Variants in HAUS7 observed in about 807,000 individuals in gnomAD.
HAUS7 encodes HAUS augmin like complex subunit 7, also known as HAUS augmin-like complex subunit 7.
In HAUS7, 3 loss-of-function variants were observed where a neutral mutation model predicts 28.4. The ratio of observed to expected loss-of-function variants is 0.11; its 90% CI spans 0.05 to 0.27. The LOEUF (loss-of-function observed/expected upper bound fraction) is 0.27. Among genes scored for constraint, HAUS7 ranks in the 10% least tolerant of loss-of-function variants. HAUS7 has a pLI of 1.00. For synonymous variants in HAUS7, 165 were observed against 132.1 expected (o/e 1.25, Z -1.71); for missense variants, 284 against 297.3 (o/e 0.96, Z 0.33).
rs782109433 is a variant in HAUS7, at chrX:153,455,536, C to T, written c.930+6G>A. ...CGGTTAGAGGGGAGGGGAAGGGCAC[C>T]CTTACTTGGCTGTAGGAAGTCAGAT... On this transcript the variant is annotated splice_donor_region_variant and intron_variant, in intron 8 of 9. Transcript: ENST00000370211. The T allele has an allele frequency of 1.7e-6, 2 of 1,150,974 alleles. No homozygotes were observed. Among genetic ancestry groups the T allele is most frequent in the East Asian group, 3.0e-5 (1 of 33,527 alleles). 94.9% of individuals were successfully genotyped at this position (1,150,974 alleles called of 1,213,427 possible).
At chrX:153,488,385 C>T (rs1475206662) in intron 1 of HAUS7, among the ~76,000 whole-genome samples, 5 of 113,145 alleles carry the variant, frequency 4.4e-5, no homozygotes, top group Admixed American at 3.7e-4. Flanking sequence ...GACCTCGCCC[C>T]GCCATCAGCT....
At chrX:153,482,833 G>C (rs1352439460) in intron 1 of HAUS7, 4 of 655,234 alleles carry the variant, frequency 6.1e-6, no homozygotes, top group Non-Finnish European at 7.3e-6. Flanking sequence ...ACCGGAACCG[G>C]CTGCGGGCCA....
rs2089283283 is a variant in HAUS7 at position 153,454,773 on chromosome X, G to A, written c.931-265C>T. On this transcript the variant is annotated intron_variant, in intron 8 of 9. Coordinates refer to ENST00000370211, the MANE Select transcript of HAUS7 (RefSeq NM_001385482.1). ...TCGCTCTGGCAACCCTCGATGCCTA[G>A]GGACATGCCAGCCAGCACTGCGTGT... 12 of 592,361 alleles carry A rather than the reference G, an allele frequency of 2.0e-5. No homozygotes were observed. The South Asian group carries it at 3.2e-4, about 16-fold the overall frequency. The allele number at this position is 592,361 out of a possible 1,213,427, so 48.8% of individuals were successfully genotyped here. A position where few individuals can be genotyped will look rare whatever the true frequency, so the allele number is the denominator to read the frequency against.
chrX:153,482,722 G>A, intron 1 of HAUS7: 1 of 756,822 alleles, frequency 1.3e-6, no homozygotes, highest in Middle Eastern at 3.9e-4. Context: ...GCAGGGCTCA[G>A]CCAGCTGTTG....
At position 153,465,058 on chromosome X, in the gene HAUS7, G is replaced by A. The variant is rs782820976; in HGVS notation, c.225-3C>T. The A allele has an allele frequency of 8.5e-7, 1 of 1,181,949 alleles. No homozygotes were observed. The highest frequency in any genetic ancestry group is 1.2e-6 in the Non-Finnish European group (1 of 868,756). ...TGTCCTGCAGTGAGGGCCAGACCCT[G>A]CAGGGAAACAGCAGAGCTGGTCAGG... On this transcript the variant is annotated splice_polypyrimidine_tract_variant and splice_region_variant and intron_variant, in intron 2 of 9. Transcript: ENST00000370211.
intron 1 of HAUS7, chrX:153,485,954 G>A (rs868987871): frequency 3.1e-6 from 3 of 973,213 alleles, no homozygotes; most frequent in East Asian, 7.7e-5. Context: ...GCAGGCTGAC[G>A]GCATCCACAG....
At chrX:153,472,026 C>A (rs2089528781), upstream of HAUS7, among the ~76,000 whole-genome samples, 1 of 111,584 alleles carries the variant, frequency 9.0e-6, no homozygotes. Flanking sequence ...AGCCCCAGCT[C>A]AGACATTCAA....
intron 1 of HAUS7, among the ~76,000 whole-genome samples, chrX:153,476,826 G>A (rs1225258407): frequency 9.1e-6 from 1 of 110,483 alleles, no homozygotes; most frequent in Non-Finnish European, 1.9e-5. Flanking sequence ...CAGACACCGG[G>A]CTCGGGATTA....
At chrX:153,488,706 C>G (rs374210372) in intron 1 of HAUS7, among the ~76,000 whole-genome samples, 3 of 112,922 alleles carry the variant, frequency 2.7e-5, no homozygotes, top group Non-Finnish European at 5.6e-5. Context: ...CCGGTCCCTG[C>G]GCCTCTTGCT....
chrX:153,452,470 T>G (rs2089251380), intron 9 of HAUS7, among the ~76,000 whole-genome samples: 1 of 112,825 alleles, frequency 8.9e-6, no homozygotes, highest in African/African-American at 3.2e-5. Flanking sequence ...TCAGTTAGGA[T>G]GCTAAATGCA....
At chrX:153,464,196 G>A (rs2089428538) in intron 3 of HAUS7, among the ~76,000 whole-genome samples, 1 of 112,701 alleles carries the variant, frequency 8.9e-6, no homozygotes, top group Admixed American at 9.3e-5. Context: ...AAACAGGCTG[G>A]GAATGGCGGT....
intron 1 of HAUS7, chrX:153,480,878 G>T (rs1476142262): frequency 1.3e-6 from 1 of 753,830 alleles, no homozygotes; most frequent in African/African-American, 2.3e-5. Flanking sequence ...TGAAGCTGAG[G>T]CCCTGGCAGG....
Position 153,455,694 on chromosome X carries a change from G to A in HAUS7, c.778C>T (p.Leu260=). 1.7e-6 allele frequency: 2 copies of A among 1,206,933 alleles called. No individual in the cohort carries two copies. Among genetic ancestry groups the A allele is most frequent in the Non-Finnish European group, 2.2e-6 (2 of 890,926 alleles). Residue 260 remains leucine, a synonymous_variant, in exon 8 of 10, where the codon CTG becomes TTG. Coordinates refer to ENST00000370211, the MANE Select transcript of HAUS7 (RefSeq NM_001385482.1). ...DISTLDQKLR[L]VTSDFHQLIL... ...AGCTGGTGGAAGTCGGAAGTGACCA[G>A]ACGCAGCTTCTGGTCTAGGGTGCTG... is the stretch of plus-strand genomic sequence containing the variant.
intron 1 of HAUS7, among the ~76,000 whole-genome samples, chrX:153,488,573 TCTC>T (rs782409727): frequency 2.8e-4 from 31 of 112,188 alleles, no homozygotes; most frequent in Non-Finnish European, 4.7e-4. Context: ...CGGCATTCCT[TCTC>T]CTCCAGCTGG....
intron 9 of HAUS7, among the ~76,000 whole-genome samples, chrX:153,450,701 CAT>C (rs1391994249): frequency 8.9e-6 from 1 of 112,735 alleles, no homozygotes; most frequent in Non-Finnish European, 1.9e-5. Context: ...TCCCAACTCA[CAT>C]GAGGCCATGC....
intron 1 of HAUS7, among the ~76,000 whole-genome samples, chrX:153,493,970 G>T (rs1221291080): frequency 8.9e-6 from 1 of 112,126 alleles, no homozygotes. Flanking sequence ...TTGGTCTTCC[G>T]CACTCTTGGC....
chrX:153,456,425 G>C (rs1556982201), intron 6 of HAUS7, 61 bp from the exon 7 acceptor site: 2 of 1,177,797 alleles, frequency 1.7e-6, no homozygotes, highest in African/African-American at 3.5e-5. Context: ...TGCAGTAACA[G>C]AACCAAGCAG....
intron 2 of HAUS7, among the ~76,000 whole-genome samples, chrX:153,468,434 C>G (rs1556984593): frequency 8.9e-6 from 1 of 112,742 alleles, no homozygotes; most frequent in Non-Finnish European, 1.9e-5. Context: ...GCGGGGAAAG[C>G]CTTCTCCACT....
rs569219234 is a variant in HAUS7, at chrX:153,467,070, T to C, written c.225-2015A>G. Among the ~76,000 whole-genome samples the C allele has an allele frequency of 5.5e-4, 61 of 111,267 alleles. 2 individuals are homozygous for C. The South Asian group carries it at 0.02, about 36-fold the overall frequency. ...CCCCAGTTCCCCAAGTGCCCCCAGC[T>C]TCCACCTGAGTCAGGCAAATCTGCG... On this transcript the variant is annotated intron_variant, in intron 2 of 9. Transcript: ENST00000370211.
Sources: gnomAD v4.1 joint callset for allele counts (sites outside exome capture counted in the v4.1 genomes callset) on GRCh38, gnomAD v4.1.1 for gene constraint, MANE v1.5 for transcripts, NCBI Gene and HGNC (gene_info 2026-07-23, HGNC 2026-07-21) for gene names.